SPECC1: variants seen among roughly 807,000 people sequenced by gnomAD.
SPECC1 encodes the protein cytospin-B.
A neutral mutation model predicts 104.1 loss-of-function variants in SPECC1; 62 were observed. The observed-to-expected ratio is 0.60, with a 90% confidence interval of 0.49 to 0.74. SPECC1 has a LOEUF of 0.74. Among genes scored for constraint, SPECC1 ranks in the 30% least tolerant of loss-of-function variants. The pLI is 0.00. For missense variants in SPECC1, 1,306 were observed against 1,310.5 expected, an observed-to-expected ratio of 1.00 and a Z score of 0.05; for synonymous variants, 513 against 501.6, an observed-to-expected ratio of 1.02 and a Z score of -0.30.
At chr17:20,055,318 T>C (rs2045921526) in intron 1 of SPECC1, among the ~76,000 whole-genome samples, 1 of 152,158 alleles carries the variant, frequency 6.6e-6, no homozygotes, top group African/African-American at 2.4e-5. Flanking sequence ...TACCACATAT[T>C]GTCTACCCCT....
chr17:20,246,377 A>G (rs2039423105), intron 8 of SPECC1, among the ~76,000 whole-genome samples: 4 of 152,252 alleles, frequency 2.6e-5, no homozygotes, highest in African/African-American at 9.6e-5. Flanking sequence ...TCAGGTCACT[A>G]CTATTTGCCT....
At chr17:20,216,713 A>G (rs549063299) in intron 4 of SPECC1, among the ~76,000 whole-genome samples, 1 of 152,266 alleles carries the variant, frequency 6.6e-6, no homozygotes, top group African/African-American at 2.4e-5. Flanking sequence ...GACTCTATTT[A>G]TAGTGCAATT....
intron 13 of SPECC1, among the ~76,000 whole-genome samples, chr17:20,297,582 A>G (rs188815037): frequency 6.6e-6 from 1 of 152,364 alleles, no homozygotes; most frequent in Non-Finnish European, 1.5e-5. Context: ...AGGGCCACGT[A>G]ATAGACTCAG....
chr17:20,187,628 C>T (rs770236599), intron 3 of SPECC1, among the ~76,000 whole-genome samples: 8 of 152,170 alleles, frequency 5.3e-5, no homozygotes, highest in Non-Finnish European at 1.2e-4. Flanking sequence ...GGACTTGATC[C>T]TAGACTTTCA....
intron 3 of SPECC1, among the ~76,000 whole-genome samples, chr17:20,125,336 A>AG (rs1010435425): frequency 1.6e-3 from 249 of 152,348 alleles, no homozygotes; most frequent in African/African-American, 5.6e-3. Context: ...AAGGTCAAAA[A>AG]GGGTAAGTCA....
rs189794813 is a variant in SPECC1, at chr17:20,150,510, A to G, written c.283+39948A>G. ...CTAAATTAGCCAGGTGTGGTGGTGCATGCCTGTAATCCCAGCTACTCGGGA... is the reference window on the plus strand; with the variant it reads ...CTAAATTAGCCAGGTGTGGTGGTGCGTGCCTGTAATCCCAGCTACTCGGGA... On this transcript the variant is annotated intron_variant, in intron 3 of 14. Transcript: ENST00000395527. Among the ~76,000 whole-genome samples the G allele has an allele frequency of 2.7e-3, 414 of 151,742 alleles. 1 individual carries two copies. The highest frequency in any genetic ancestry group is 8.7e-3 in the African/African-American group (359 of 41,414).
Position 20,204,432 on chromosome 17 carries a change from C to T in SPECC1, c.383C>T (p.Pro128Leu). Residue 128 changes from proline to leucine, a missense_variant, in exon 4 of 15, where the codon CCC (proline) becomes CTC (leucine). By Grantham distance (98) the Pro-to-Leu change is moderately conservative. This residue lies in a region of SPECC1 where 1,177 missense variants were observed against 1,139.9 expected (regional missense o/e 1.03). Transcript: ENST00000395527. The part of the protein sequence containing the change: ...ERSVPRGPSN[P>L]RKSVSSPTSS... Reference sequence around the variant, plus strand: ...TCTGTGCCACGTGGTCCCTCCAACCCCAGGAAATCAGTGTCCAGTCCAACT... The same window carrying T: ...TCTGTGCCACGTGGTCCCTCCAACCTCAGGAAATCAGTGTCCAGTCCAACT... 6.2e-7 allele frequency: 1 copy of T among 1,614,136 alleles called. No individual in the cohort carries two copies. The highest frequency in any genetic ancestry group is 8.5e-7 in the Non-Finnish European group (1 of 1,180,020).
At chr17:20,194,502 A>ATTATTATTTTTTT in intron 3 of SPECC1, among the ~76,000 whole-genome samples, 8 of 86,564 alleles carry the variant, frequency 9.2e-5, no homozygotes, top group African/African-American at 2.7e-4. Flanking sequence ...AAGAGAACGA[A>ATTATTATTTTTTT]TTTTTTTTTT....
At chr17:20,238,156 A>G (rs913888648) in intron 7 of SPECC1, 1 of 1,032,382 alleles carries the variant, frequency 9.7e-7, no homozygotes, top group Non-Finnish European at 1.2e-6. Flanking sequence ...TGGGTTAAAC[A>G]TAAGTAGAAG....
At chr17:20,018,195 C>T (rs968718436) in intron 1 of SPECC1, 6 of 152,330 alleles carry the variant, frequency 3.9e-5, no homozygotes, top group African/African-American at 1.2e-4. Flanking sequence ...TGCATAACAG[C>T]CTCCTCCCAA....
At chr17:20,246,565 C>T (rs1223555190) in intron 8 of SPECC1, among the ~76,000 whole-genome samples, 3 of 152,190 alleles carry the variant, frequency 2.0e-5, no homozygotes, top group Non-Finnish European at 2.9e-5. Context: ...ATCTGTCACT[C>T]CTGATCTAGG....
At chr17:20,270,357 G>A (rs1404525145) in intron 12 of SPECC1, among the ~76,000 whole-genome samples, 2 of 141,214 alleles carry the variant, frequency 1.4e-5, no homozygotes, top group African/African-American at 5.4e-5. Context: ...GACACTTTGA[G>A]GGGCCAAGGC....
chr17:20,204,308 A>T lies in SPECC1; in HGVS notation c.284-25A>T, dbSNP rs1597966134. On this transcript the variant is annotated intron_variant, in intron 3 of 14. Transcript: ENST00000395527. ...ATAAGAATGCTTGCTTTATTTTTTC[A>T]TTTTTTTCTTCTTCTGTCTTTAAGG... The T allele has an allele frequency of 7.0e-6, 11 of 1,579,354 alleles. No homozygotes were observed. The Admixed American group carries it at 1.3e-4, about 19-fold the overall frequency.
At chr17:20,078,271 G>A (rs535882862) in intron 1 of SPECC1, among the ~76,000 whole-genome samples, 6 of 151,726 alleles carry the variant, frequency 4.0e-5, no homozygotes, top group African/African-American at 1.2e-4. Flanking sequence ...GCGTGTGGCT[G>A]AGAGAAATAC....
chr17:20,257,647 G>T, intron 11 of SPECC1, 40 bp downstream of exon 11: 1 of 1,604,118 alleles, frequency 6.2e-7, no homozygotes, highest in Admixed American at 1.7e-5. Context: ...AAAAACATCG[G>T]GCTAATCACC....
intron 1 of SPECC1, among the ~76,000 whole-genome samples, chr17:20,014,769 T>G (rs2044057482): frequency 2.0e-5 from 3 of 152,186 alleles, no homozygotes. Flanking sequence ...AGTGGATTTT[T>G]TTTTTGAGAT....
chr17:20,242,745 T>G (rs1176087075), intron 7 of SPECC1, among the ~76,000 whole-genome samples: 1 of 152,196 alleles, frequency 6.6e-6, no homozygotes, highest in East Asian at 1.9e-4. Context: ...AGTTTCACCA[T>G]TCATGAATCA....
Position 20,096,719 on chromosome 17 carries a change from G to GGCCTCTGCCTGCA in SPECC1, c.75_87dup (p.Ser30AlafsTer11). On this transcript the variant is annotated frameshift_variant, in exon 2 of 15. Coordinates refer to ENST00000395527, the MANE Select transcript of SPECC1 (RefSeq NM_001243439.2). LOFTEE classifies it high-confidence loss of function. ...GGGGGCCACGGCCCAGACCGGGTGCGGCCTCTGCCTGCAGCCTCTTCCGGC... is the reference window on the plus strand; with the variant it reads ...GGGGGCCACGGCCCAGACCGGGTGCGGCCTCTGCCTGCAGCCTCTGCCTGCAGCCTCTTCCGGC... 1 of 1,614,206 alleles carries GGCCTCTGCCTGCA rather than the reference G, an allele frequency of 6.2e-7. No individual in the cohort carries two copies. The highest frequency in any genetic ancestry group is 1.1e-5 in the South Asian group (1 of 91,084).
At chr17:20,263,260 G>A (rs563938224) in intron 12 of SPECC1, among the ~76,000 whole-genome samples, 3 of 148,788 alleles carry the variant, frequency 2.0e-5, no homozygotes, top group South Asian at 2.2e-4. Flanking sequence ...CCTTGGCAGC[G>A]TGACTGATGG....
Sources: allele counts gnomAD v4.1 joint callset (sites outside exome capture counted in the v4.1 genomes callset), GRCh38; gene constraint gnomAD v4.1.1; regional missense constraint gnomAD v4.1.1; transcripts MANE v1.5; gene names NCBI Gene and HGNC (gene_info 2026-07-23, HGNC 2026-07-21).